Variants in FGFR2 observed in about 807,000 individuals in gnomAD.
FGFR2 encodes the protein BEK fibroblast growth factor receptor.
FGFR2 carries 19 observed loss-of-function variants against 95.9 expected under a neutral mutation model. The observed-to-expected ratio is 0.20, with a 90% confidence interval of 0.14 to 0.29. The LOEUF is 0.29. Ranked by LOEUF, FGFR2 falls within the 10% of genes least tolerant of loss-of-function variation. The probability of loss-of-function intolerance (pLI) is 1.00; values close to 1 mark genes in which losing one functional copy is unlikely to be tolerated. For synonymous variants in FGFR2, 392 were observed against 393.3 expected, an observed-to-expected ratio of 1.00 and a Z score of 0.04; for missense variants, 707 against 1,056.9, an observed-to-expected ratio of 0.67 and a Z score of 4.59.
At chr10:121,571,776 T>C (rs369262281) in intron 2 of FGFR2, among the ~76,000 whole-genome samples, 4 of 150,980 alleles carry the variant, frequency 2.6e-5, no homozygotes, top group Non-Finnish European at 5.9e-5. Context: ...AAACCCCGTC[T>C]CTACTGAGAA....
chr10:121,520,365 T>TAC (rs1343358464), intron 6 of FGFR2, among the ~76,000 whole-genome samples, 196 bp from the exon 7 acceptor site: 1 of 152,170 alleles, frequency 6.6e-6, no homozygotes, highest in Admixed American at 6.5e-5. Flanking sequence ...AGCGCGACCC[T>TAC]TGTAAAAAGA....
intron 5 of FGFR2, among the ~76,000 whole-genome samples, chr10:121,545,809 A>T (rs910868841): frequency 6.6e-6 from 1 of 152,222 alleles, no homozygotes; most frequent in African/African-American, 2.4e-5. Flanking sequence ...TGATTATAAC[A>T]AAAGTTTTAA....
intron 6 of FGFR2, among the ~76,000 whole-genome samples, chr10:121,526,500 G>T (rs990655694): frequency 1.3e-5 from 2 of 152,210 alleles, no homozygotes; most frequent in South Asian, 4.1e-4. Flanking sequence ...GCTAAATCTC[G>T]TTGGGTTCTG....
chr10:121,546,062 G>A (rs1589934838), intron 5 of FGFR2, among the ~76,000 whole-genome samples: 1 of 151,984 alleles, frequency 6.6e-6, no homozygotes, highest in Admixed American at 6.6e-5. Context: ...AATTACCTAC[G>A]AAGGAGGTGA....
chr10:121,554,390 G>A (rs1855822885), intron 4 of FGFR2, among the ~76,000 whole-genome samples: 1 of 150,960 alleles, frequency 6.6e-6, no homozygotes, highest in Non-Finnish European at 1.5e-5. Flanking sequence ...CCAGGCTGGA[G>A]TGCAGTGGCG....
chr10:121,539,806 C>A (rs1299544200), intron 5 of FGFR2, among the ~76,000 whole-genome samples: 2 of 152,198 alleles, frequency 1.3e-5, no homozygotes, highest in Non-Finnish European at 2.9e-5. Context: ...ACAGGCAGAG[C>A]ATCTGCAAGC....
At chr10:121,571,140 C>T (rs541836805) in intron 2 of FGFR2, among the ~76,000 whole-genome samples, 39 of 149,520 alleles carry the variant, frequency 2.6e-4, no homozygotes, top group Admixed American at 1.5e-3. Context: ...AGGAGCCTGC[C>T]ACCACACCTG....
At chr10:121,526,093 A>G in intron 6 of FGFR2, 6 of 398,302 alleles carry the variant, frequency 1.5e-5, no homozygotes, top group Non-Finnish European at 2.2e-5. Flanking sequence ...GCCCCCATTC[A>G]TGTAAGGAGC....
At chr10:121,527,502 C>T (rs1851531639) in intron 6 of FGFR2, among the ~76,000 whole-genome samples, 1 of 151,990 alleles carries the variant, frequency 6.6e-6, no homozygotes, top group African/African-American at 2.4e-5. Context: ...ATGATAATTG[C>T]AAAACAAATT....
intron 2 of FGFR2, chr10:121,565,990 A>G (rs1235296732): frequency 5.8e-6 from 3 of 520,814 alleles, no homozygotes; most frequent in South Asian, 4.3e-5. Flanking sequence ...TCCACAAGAA[A>G]ATGTTTAAAT....
At chr10:121,500,651 C>T (rs943271523) in intron 11 of FGFR2, among the ~76,000 whole-genome samples, 175 bp downstream of exon 11, 11 of 152,312 alleles carry the variant, frequency 7.2e-5, no homozygotes, top group African/African-American at 2.4e-4. Context: ...GTACACACAG[C>T]TCAAGATAAA....
At chr10:121,589,120 A>G (rs1372206895) in intron 2 of FGFR2, among the ~76,000 whole-genome samples, 1 of 152,238 alleles carries the variant, frequency 6.6e-6, no homozygotes, top group Non-Finnish European at 1.5e-5. Flanking sequence ...AGTGGAGAGT[A>G]GCACACCAGC....
In FGFR2 at chr10:121,517,457, C is replaced by T. The variant is rs1589828616; in HGVS notation, c.946G>A (p.Gly316Ser). The T allele has an allele frequency of 6.2e-6, 10 of 1,614,118 alleles. No homozygotes were observed. The highest frequency in any genetic ancestry group is 8.5e-6 in the Non-Finnish European group (10 of 1,180,026). The change falls in exon 8 of 18, where the codon GGT becomes AGT. Residue 316 changes from glycine (G) to serine (S), a missense_variant. By Grantham distance (56) the Gly-to-Ser change is moderately conservative. Transcript: ENST00000358487. The surrounding 1 kb of genome is among the most constrained non-coding windows in gnomAD (Gnocchi z 4.7). Reference protein sequence around the residue: ...LPYLKVLKAAGVNTTDKEIEV... With the variant: ...LPYLKVLKAASVNTTDKEIEV... ...ATCTCTTTGTCCGTGGTGTTAACAC[C>T]GGCGGCCTAGAAAACAAGGGAAGCA...
intron 9 of FGFR2, among the ~76,000 whole-genome samples, chr10:121,508,441 G>A (rs1848604590): frequency 6.6e-6 from 1 of 152,096 alleles, no homozygotes; most frequent in Non-Finnish European, 1.5e-5. Context: ...TTAACATTCA[G>A]TCTGAAGTTC....
intron 13 of FGFR2, among the ~76,000 whole-genome samples, chr10:121,492,323 C>A (rs1208948278): frequency 6.6e-6 from 1 of 152,152 alleles, no homozygotes; most frequent in Non-Finnish European, 1.5e-5. Flanking sequence ...TACCCTATTA[C>A]CTAATTGCAT....
chr10:121,559,915 T>C (rs1189082170), intron 4 of FGFR2, among the ~76,000 whole-genome samples: 1 of 152,212 alleles, frequency 6.6e-6, no homozygotes, highest in Non-Finnish European at 1.5e-5. Context: ...ATTCTATTGC[T>C]TCACATGGTT....
intron 2 of FGFR2, among the ~76,000 whole-genome samples, chr10:121,571,137 T>C (rs572861021): frequency 3.5e-4 from 52 of 149,582 alleles, no homozygotes; most frequent in Admixed American, 1.5e-3. Flanking sequence ...TACAGGAGCC[T>C]GCCACCACAC....
Position 121,565,580 on chromosome 10 carries a change from G to A in FGFR2, c.234C>T (p.His78=), listed in dbSNP as rs778093907. The change falls in exon 3 of 18, where the codon CAC becomes CAT. Residue 78 remains histidine (H), a synonymous_variant. Coordinates refer to ENST00000358487, the MANE Select transcript of FGFR2 (RefSeq NM_000141.5). ...AVISWTKDGV[H]LGPNNRTVLI... is the part of the protein sequence containing the mutation. The stretch of plus-strand genomic sequence containing the variant: ...GCACTGTCCTATTGTTGGGCCCCAA[G>A]TGCACCCCATCCTTAGTCCAACTGA... 2.8e-5 allele frequency: 46 copies of A among 1,614,088 alleles called. No individual in the cohort carries two copies. In the Middle Eastern group the frequency reaches 6.6e-4, roughly 23 times the overall value.
intron 13 of FGFR2, among the ~76,000 whole-genome samples, chr10:121,495,327 A>T (rs967783295): frequency 1.3e-4 from 20 of 152,176 alleles, no homozygotes; most frequent in Admixed American, 2.6e-4. Flanking sequence ...AATTAAAAAG[A>T]AAAAAGGCAA....
Sources: allele counts gnomAD v4.1 joint callset (sites outside exome capture counted in the v4.1 genomes callset), GRCh38; gene constraint gnomAD v4.1.1; non-coding constraint Gnocchi (gnomAD v3.1); transcripts MANE v1.5; gene names NCBI Gene and HGNC (gene_info 2026-07-23, HGNC 2026-07-21).